The following ETFA variants were observed in gnomAD, a reference collection of about 807,000 sequenced individuals.
ETFA encodes electron transfer flavoprotein subunit alpha, mitochondrial.
A neutral mutation model predicts 46.2 loss-of-function variants in ETFA; 22 were observed. The observed-to-expected ratio is 0.48, with a 90% confidence interval of 0.34 to 0.68. The LOEUF is 0.68. Ranked by LOEUF, ETFA falls within the 30% of genes least tolerant of loss-of-function variation. The pLI is 0.01. For synonymous variants in ETFA, 131 were observed against 139.9 expected, an observed-to-expected ratio of 0.94 and a Z score of 0.45; for missense variants, 345 against 401.1, an observed-to-expected ratio of 0.86 and a Z score of 1.19.
chr15:76,300,230 T>C (rs901796926), intron 1 of ETFA, among the ~76,000 whole-genome samples: 2 of 152,208 alleles, frequency 1.3e-5, no homozygotes, highest in Non-Finnish European at 2.9e-5. Context: ...ACTTATAATA[T>C]GGTTACATCT....
intron 9 of ETFA, among the ~76,000 whole-genome samples, chr15:76,232,303 T>A (rs4886784): frequency 6.6e-6 from 1 of 152,090 alleles, no homozygotes; most frequent in African/African-American, 2.4e-5. Flanking sequence ...TTAGAAGAGC[T>A]TACCTGCTTC....
rs55873344 is a variant in ETFA at position 76,227,515 on chromosome 15, CAA to C, written c.883-1588_883-1587del. Reference sequence around the variant, plus strand: ...TGGGTGACAGAGTGAGACTCTGTCTCAAAAAAAAAAAAAGGAAAAGCTATCAT... The same window carrying C: ...TGGGTGACAGAGTGAGACTCTGTCTCAAAAAAAAAAAGGAAAAGCTATCAT... On this transcript the variant is annotated intron_variant, in intron 10 of 11. Transcript: ENST00000557943. 3.7e-5 allele frequency among the ~76,000 whole-genome samples: 3 copies of C among 80,332 alleles called. 1 individual carries two copies. The highest frequency in any genetic ancestry group is 4.0e-4 in the East Asian group (1 of 2,516). The allele number at this position is 80,332 out of a possible 152,430, so 52.7% of individuals were successfully genotyped here.
chr15:76,308,154 T>C (rs1272980484), intron 1 of ETFA, among the ~76,000 whole-genome samples: 2 of 152,192 alleles, frequency 1.3e-5, no homozygotes, highest in African/African-American at 4.8e-5. Flanking sequence ...TGTTCTTCCT[T>C]ATAGTAGAAT....
At chr15:76,223,100 T>C (rs2038973271) in intron 11 of ETFA, among the ~76,000 whole-genome samples, 1 of 152,064 alleles carries the variant, frequency 6.6e-6, no homozygotes, top group Non-Finnish European at 1.5e-5. Flanking sequence ...CCTTCCAAAG[T>C]ACTGGGATTA....
chr15:76,294,033 G>A (rs536832019), intron 2 of ETFA, among the ~76,000 whole-genome samples: 37 of 152,304 alleles, frequency 2.4e-4, no homozygotes, highest in Middle Eastern at 3.4e-3. Context: ...TGCTGTTTAT[G>A]ACAAGTAGCT....
intron 11 of ETFA, 101 bp downstream of exon 11, chr15:76,225,748 A>C (rs1253205118): frequency 1.2e-6 from 1 of 833,430 alleles, no homozygotes; most frequent in East Asian, 2.4e-5. Flanking sequence ...CAGACACACA[A>C]ACACACAATG....
Position 76,286,374 on chromosome 15 carries a change from T to C in ETFA, c.559A>G (p.Lys187Glu). 1 of 1,600,210 alleles carries C rather than the reference T, an allele frequency of 6.2e-7. No individual in the cohort carries two copies. Among genetic ancestry groups the C allele is most frequent in the Non-Finnish European group, 8.6e-7 (1 of 1,167,480 alleles). The change falls in exon 6 of 12, where the codon AAG (lysine) becomes GAG (glutamate). Residue 187 changes from lysine (K) to glutamate (E), a missense_variant. Coordinates refer to ENST00000557943, the MANE Select transcript of ETFA (RefSeq NM_000126.4). ...AAAACTCCAAATGAACACTCACCCT[T>C]TTCTGAACTGGCACTACCGCCACTT... is the stretch of plus-strand genomic sequence containing the variant. ...ATSGGSASSE[K>E]ASSTSPVEIS...
chr15:76,292,271 T>A (rs2039772050), intron 4 of ETFA, among the ~76,000 whole-genome samples, 160 bp downstream of exon 4: 1 of 152,162 alleles, frequency 6.6e-6, no homozygotes, highest in Non-Finnish European at 1.5e-5. Flanking sequence ...TAACGGAAAA[T>A]TATGACAAAA....
rs766942384 is a variant in ETFA, at chr15:76,295,724, C to T, written c.53G>A (p.Arg18Gln). 18 of 1,606,274 alleles carry T rather than the reference C, an allele frequency of 1.1e-5. No homozygotes were observed. Among genetic ancestry groups the T allele is most frequent in the South Asian group, 2.2e-5 (2 of 90,740 alleles). The change falls in exon 2 of 12, where the codon CGA becomes CAA. Residue 18 changes from arginine to glutamine, a missense_variant. Arg to Gln is a conservative substitution (Grantham distance 43). Coordinates refer to ENST00000557943, the MANE Select transcript of ETFA (RefSeq NM_000126.4). ...AGCTATTACCAGGGTACTCTGAAAT[C>T]GTAGCAATGAGGCCTAAAAAGAGCA... is the stretch of plus-strand genomic sequence containing the variant. ...GQLRRAASLL[R>Q]FQSTLVIAEH...
chr15:76,295,006 C>A (rs534599095), intron 2 of ETFA, among the ~76,000 whole-genome samples: 1 of 152,318 alleles, frequency 6.6e-6, no homozygotes, highest in East Asian at 1.9e-4. Context: ...CTGAAGCACT[C>A]ATCTATATTG....
At chr15:76,236,878 T>C (rs1010925620) in intron 9 of ETFA, among the ~76,000 whole-genome samples, 4 of 152,350 alleles carry the variant, frequency 2.6e-5, no homozygotes, top group Middle Eastern at 6.8e-3. Flanking sequence ...CTTAAAACTC[T>C]AGATGGACCT....
At chr15:76,281,418 ACT>A (rs1382025025) in intron 8 of ETFA, among the ~76,000 whole-genome samples, 2 of 145,470 alleles carry the variant, frequency 1.4e-5, no homozygotes, top group African/African-American at 2.5e-5. Flanking sequence ...AACACTTACG[ACT>A]CTCTAACATT....
intron 9 of ETFA, among the ~76,000 whole-genome samples, chr15:76,268,408 G>A (rs533261944): frequency 9.9e-5 from 15 of 152,182 alleles, no homozygotes; most frequent in East Asian, 1.9e-4. Flanking sequence ...ATACGAAGAC[G>A]GAACGAGGAC....
intron 4 of ETFA, among the ~76,000 whole-genome samples, chr15:76,290,212 G>C (rs1481028509): frequency 2.6e-5 from 4 of 151,142 alleles, no homozygotes; most frequent in Non-Finnish European, 5.9e-5. Context: ...GCATGACCAT[G>C]TTTTCTTGCA....
rs566725541 is a variant in ETFA at position 76,260,505 on chromosome 15, C to T, written c.816+13907G>A. On this transcript the variant is annotated intron_variant, in intron 9 of 11. Coordinates refer to ENST00000557943, the MANE Select transcript of ETFA (RefSeq NM_000126.4). ...CAGTGGCTGACTCCAGGGTCCACAGCCAACTGCACTGGAGACACACACACG... is the reference window on the plus strand; with the variant it reads ...CAGTGGCTGACTCCAGGGTCCACAGTCAACTGCACTGGAGACACACACACG... The T allele has an allele frequency of 4.6e-6, 7 of 1,525,462 alleles. No individual in the cohort carries two copies. In the East Asian group the frequency reaches 1.1e-4, roughly 25 times the overall value. The allele number at this position is 1,525,462 out of a possible 1,614,324, so 94.5% of individuals were successfully genotyped here.
chr15:76,219,568 A>G (rs2038937778), intron 11 of ETFA, among the ~76,000 whole-genome samples: 1 of 152,272 alleles, frequency 6.6e-6, no homozygotes, highest in Non-Finnish European at 1.5e-5. Context: ...ACGTTTGGAA[A>G]TCATATCTCT....
At chr15:76,297,191 G>A (rs1037350857) in intron 1 of ETFA, among the ~76,000 whole-genome samples, 1 of 152,038 alleles carries the variant, frequency 6.6e-6, no homozygotes, top group Non-Finnish European at 1.5e-5. Flanking sequence ...ACAGTTCCTG[G>A]AATGAAATGA....
intron 11 of ETFA, among the ~76,000 whole-genome samples, chr15:76,225,008 G>A (rs1240229945): frequency 6.6e-6 from 1 of 151,992 alleles, no homozygotes; most frequent in Non-Finnish European, 1.5e-5. Flanking sequence ...TGTGAGGAGT[G>A]AGAAATAAGT....
intron 9 of ETFA, among the ~76,000 whole-genome samples, chr15:76,246,238 G>A (rs1000959297): frequency 6.6e-6 from 1 of 152,036 alleles, no homozygotes; most frequent in Admixed American, 6.6e-5. Flanking sequence ...TATCACCATT[G>A]TATAGTTGAG....
Sources: allele counts gnomAD v4.1 joint callset (sites outside exome capture counted in the v4.1 genomes callset), GRCh38; gene constraint gnomAD v4.1.1; transcripts MANE v1.5; gene names NCBI Gene and HGNC (gene_info 2026-07-23, HGNC 2026-07-21).